ST8SIA1: variants seen among roughly 807,000 people sequenced by gnomAD.
The protein encoded by ST8SIA1 is ST8 alpha-N-acetyl-neuraminide alpha-2,8-sialyltransferase 1.
ST8SIA1 carries 16 observed loss-of-function variants against 35.9 expected under a neutral mutation model. The observed-to-expected ratio is 0.45, with a 90% CI of 0.30 to 0.68. The LOEUF (loss-of-function observed/expected upper bound fraction) is 0.68. ST8SIA1 is among the 30% of genes least tolerant of loss of function. ST8SIA1 has a pLI of 0.09. For missense variants in ST8SIA1, 383 were observed against 453.6 expected (o/e 0.84, Z 1.41); for synonymous variants, 170 against 169.6 (o/e 1.00, Z -0.02).
rs61335915 is a variant in ST8SIA1 at position 22,258,476 on chromosome 12, TAA to T, written c.382-3089_382-3088del. Among the ~76,000 whole-genome samples the T allele has an allele frequency of 2.6e-3, 384 of 146,948 alleles. 4 individuals carry two copies. The East Asian group carries it at 0.053, about 20-fold the overall frequency. ...GAAGAGGTCTAAGAATTGTCCAAGT[TAA>T]AAAAAAAAAAGTGTCTAAAGAAGAA... On this transcript the variant is annotated intron_variant, in intron 2 of 4. Coordinates refer to ENST00000396037, the MANE Select transcript of ST8SIA1 (RefSeq NM_003034.4).
rs116991533 is a variant in ST8SIA1, at chr12:22,323,947, C to T, written c.236+10050G>A. Among the ~76,000 whole-genome samples, 15 of 151,872 alleles carry T rather than the reference C, an allele frequency of 9.9e-5. No individual in the cohort carries two copies. The East Asian group carries it at 2.3e-3, about 24-fold the overall frequency. On this transcript the variant is annotated intron_variant, in intron 1 of 4. Transcript: ENST00000396037. Reference sequence around the variant, plus strand: ...GGATGATCTGTGGAGTAAACCACTACGGCACATGTTTACCTGTGAAACAAA... The same window carrying T: ...GGATGATCTGTGGAGTAAACCACTATGGCACATGTTTACCTGTGAAACAAA...
intron 1 of ST8SIA1, among the ~76,000 whole-genome samples, chr12:22,308,730 C>G (rs541002818): frequency 6.6e-6 from 1 of 152,268 alleles, no homozygotes; most frequent in South Asian, 2.1e-4. Flanking sequence ...AATGGCCGTT[C>G]CTCATTACTC....
intron 1 of ST8SIA1, among the ~76,000 whole-genome samples, chr12:22,312,842 G>T (rs947834947): frequency 6.6e-6 from 1 of 152,040 alleles, no homozygotes; most frequent in Non-Finnish European, 1.5e-5. Flanking sequence ...TTTCAATGCC[G>T]AAGTCTTCTA....
At chr12:22,330,614 T>C (rs562855085) in intron 1 of ST8SIA1, among the ~76,000 whole-genome samples, 2 of 152,324 alleles carry the variant, frequency 1.3e-5, no homozygotes, top group Non-Finnish European at 2.9e-5. Context: ...GCAACTCCCT[T>C]GAAGACCAGG....
intron 3 of ST8SIA1, among the ~76,000 whole-genome samples, chr12:22,253,516 C>CA (rs1327157231): frequency 1.3e-5 from 2 of 152,166 alleles, no homozygotes; most frequent in African/African-American, 4.8e-5. Flanking sequence ...ACTCAGCTCA[C>CA]ACGCCACTTC....
chr12:22,309,112 A>C, intron 1 of ST8SIA1, among the ~76,000 whole-genome samples: 1 of 152,094 alleles, frequency 6.6e-6, no homozygotes, highest in Non-Finnish European at 1.5e-5. Context: ...TAAGCCCCCC[A>C]AGCAACTGAA....
At chr12:22,331,506 G>C (rs1866764211) in intron 1 of ST8SIA1, among the ~76,000 whole-genome samples, 1 of 152,182 alleles carries the variant, frequency 6.6e-6, no homozygotes, top group South Asian at 2.1e-4. Flanking sequence ...TTGTGCATTT[G>C]TGTGCATATA....
intron 4 of ST8SIA1, among the ~76,000 whole-genome samples, chr12:22,235,374 G>A (rs1465286710): frequency 6.6e-6 from 1 of 151,986 alleles, no homozygotes; most frequent in Non-Finnish European, 1.5e-5. Flanking sequence ...CCAATAAAAT[G>A]AATTACAAAT....
At chr12:22,332,657 G>C (rs748683064) in intron 1 of ST8SIA1, among the ~76,000 whole-genome samples, 2 of 152,186 alleles carry the variant, frequency 1.3e-5, no homozygotes, top group Admixed American at 6.5e-5. Flanking sequence ...AAGGGAGAAG[G>C]AAAGTCCTCC....
chr12:22,259,134 T>A (rs1169737184), intron 2 of ST8SIA1, among the ~76,000 whole-genome samples: 1 of 152,132 alleles, frequency 6.6e-6, no homozygotes. Flanking sequence ...AGCCATGAAA[T>A]GCCTAGATTT....
intron 1 of ST8SIA1, among the ~76,000 whole-genome samples, chr12:22,297,645 A>C (rs1866262050): frequency 6.6e-6 from 1 of 152,138 alleles, no homozygotes; most frequent in African/African-American, 2.4e-5. Flanking sequence ...TCAGCATTTC[A>C]GGTTGTCAAC....
intron 1 of ST8SIA1, among the ~76,000 whole-genome samples, chr12:22,321,414 T>A (rs2135841576): frequency 6.6e-6 from 1 of 152,220 alleles, no homozygotes; most frequent in South Asian, 2.1e-4. Flanking sequence ...CTATGAATAT[T>A]CCCCTCCTCC....
intron 1 of ST8SIA1, among the ~76,000 whole-genome samples, chr12:22,315,052 G>A (rs1003060190): frequency 2.0e-5 from 3 of 152,046 alleles, no homozygotes; most frequent in African/African-American, 7.2e-5. Context: ...TCAAGATTAA[G>A]TTCAGCACTC....
intron 2 of ST8SIA1, among the ~76,000 whole-genome samples, chr12:22,284,332 T>A (rs1298946804): frequency 6.6e-6 from 1 of 152,230 alleles, no homozygotes; most frequent in East Asian, 1.9e-4. Flanking sequence ...AGTGAAGCTT[T>A]GTTCATGCTG....
At chr12:22,268,100 T>C (rs1865867816) in intron 2 of ST8SIA1, among the ~76,000 whole-genome samples, 1 of 152,240 alleles carries the variant, frequency 6.6e-6, no homozygotes, top group African/African-American at 2.4e-5. Context: ...CATGTCTTTG[T>C]AACTCTTAGT....
In ST8SIA1 at chr12:22,258,374, GATAGAAA is replaced by G. The variant is rs367899096; in HGVS notation, c.382-2992_382-2986del. 2.6e-5 allele frequency among the ~76,000 whole-genome samples: 4 copies of G among 152,082 alleles called. No homozygotes were observed. In the East Asian group the frequency reaches 7.8e-4, roughly 29 times the overall value. ...AGTCAGGGAGTTGGTCTTTCCTGGA[GATAGAAA>G]ATAGAGAGTGATCAGCATGGGTATT... On this transcript the variant is annotated intron_variant, in intron 2 of 4. Coordinates refer to ENST00000396037, the MANE Select transcript of ST8SIA1 (RefSeq NM_003034.4).
At chr12:22,227,332 T>C (rs1054260121) in intron 4 of ST8SIA1, among the ~76,000 whole-genome samples, 4 of 151,852 alleles carry the variant, frequency 2.6e-5, no homozygotes, top group African/African-American at 7.2e-5. Context: ...CCCAGCACTA[T>C]TGGAAGGCTG....
intron 4 of ST8SIA1, among the ~76,000 whole-genome samples, chr12:22,242,856 A>T (rs1194601831): frequency 6.6e-6 from 1 of 152,178 alleles, no homozygotes; most frequent in Admixed American, 6.5e-5. Context: ...TGCCCATAAA[A>T]ATTCAATCAG....
intron 4 of ST8SIA1, among the ~76,000 whole-genome samples, chr12:22,246,619 G>A (rs1865606307): frequency 6.6e-6 from 1 of 152,042 alleles, no homozygotes; most frequent in Non-Finnish European, 1.5e-5. Flanking sequence ...AGTCTTCTGT[G>A]TTGTAGTGTG....
Sources: gnomAD v4.1 joint callset for allele counts (sites outside exome capture counted in the v4.1 genomes callset) on GRCh38, gnomAD v4.1.1 for gene constraint, MANE v1.5 for transcripts, NCBI Gene and HGNC (gene_info 2026-07-23, HGNC 2026-07-21) for gene names.